Variants in NPRL2 observed in about 807,000 individuals in gnomAD.
NPRL2 encodes NPR2 like, GATOR1 complex subunit, also known as GATOR1 complex protein NPRL2.
Under a neutral mutation model 51.1 loss-of-function variants are expected in NPRL2, and 21 were observed. The observed-to-expected ratio is 0.41, with a 90% confidence interval of 0.29 to 0.59. NPRL2 has a LOEUF of 0.59. NPRL2 is among the 20% of genes least tolerant of loss of function. NPRL2 has a pLI of 0.29. For synonymous variants in NPRL2, 175 were observed against 187.8 expected (o/e 0.93, Z 0.56); for missense variants, 376 against 483.4 (o/e 0.78, Z 2.08).
chr3:50,348,432 A>AG lies in NPRL2; in HGVS notation c.721-23dup, dbSNP rs774829939. ...AGTACTAGAGGGTAGCAGAAGGCAT[A>AG]GGGGCCTGAGTGAGGGGCTTGGGAA... On this transcript the variant is annotated intron_variant, in intron 7 of 10. Coordinates refer to ENST00000232501, the MANE Select transcript of NPRL2 (RefSeq NM_006545.5). This position sits in a 1 kb window ranked among gnomAD's most constrained non-coding sequence, Gnocchi z 5.8. 7.3e-5 allele frequency: 118 copies of AG among 1,613,232 alleles called. No homozygotes were observed. The highest frequency in any genetic ancestry group is 9.3e-5 in the Non-Finnish European group (110 of 1,179,486).
Position 50,350,123 on chromosome 3 carries a change from C to A in NPRL2, c.79-101G>T. On this transcript the variant is annotated intron_variant, in intron 1 of 10. Coordinates refer to ENST00000232501, the MANE Select transcript of NPRL2 (RefSeq NM_006545.5). This position sits in a 1 kb window ranked among gnomAD's most constrained non-coding sequence, Gnocchi z 5.7. ...CCCCCCAAGCCCAAGTCCTCTTCTC[C>A]AGCGTTCCCCTCTCTCCCATCCACT... 1.1e-6 allele frequency: 1 copy of A among 899,734 alleles called. No individual in the cohort carries two copies. Among genetic ancestry groups the A allele is most frequent in the Non-Finnish European group, 1.8e-6 (1 of 556,988 alleles). The allele number at this position is 899,734 out of a possible 1,614,324, so 55.7% of individuals were successfully genotyped here.
In NPRL2 at chr3:50,348,306, C is replaced by T. The variant is rs587605237; in HGVS notation, c.814+11G>A. On this transcript the variant is annotated intron_variant, in intron 8 of 10. Transcript: ENST00000232501. This position sits in a 1 kb window ranked among gnomAD's most constrained non-coding sequence, Gnocchi z 5.8. Reference sequence around the variant, plus strand: ...CTCCCCAAGATGGCTTCCCCCAGAACCCACCACTACCTTGCTTGGTCACGT... The same window carrying T: ...CTCCCCAAGATGGCTTCCCCCAGAATCCACCACTACCTTGCTTGGTCACGT... The T allele has an allele frequency of 3.9e-5, 63 of 1,613,888 alleles. No homozygotes were observed. In the Admixed American group the frequency reaches 4.0e-4, roughly 10 times the overall value.
At position 50,350,464 on chromosome 3, in the gene NPRL2, G is replaced by T; in HGVS notation, c.78+111C>A. 1 of 1,147,104 alleles carries T rather than the reference G, an allele frequency of 8.7e-7. No homozygotes were observed. The highest frequency in any genetic ancestry group is 1.2e-6 in the Non-Finnish European group (1 of 805,614). The allele number at this position is 1,147,104 out of a possible 1,614,324, so 71.1% of individuals were successfully genotyped here. Reference sequence around the variant, plus strand: ...ATCCTCTAGCCTCACAGTTGTCTGCGAATGAAGCAGCATGCCTGCGTGCAG... The same window carrying T: ...ATCCTCTAGCCTCACAGTTGTCTGCTAATGAAGCAGCATGCCTGCGTGCAG... On this transcript the variant is annotated intron_variant, in intron 1 of 10. Transcript: ENST00000232501. The surrounding 1 kb of genome is among the most constrained non-coding windows in gnomAD (Gnocchi z 5.7).
In NPRL2 at chr3:50,349,005, A is replaced by C. The variant is rs1703654261; in HGVS notation, c.454T>G (p.Ser152Ala). 1.2e-6 allele frequency: 2 copies of C among 1,613,432 alleles called. No homozygotes were observed. The highest frequency in any genetic ancestry group is 1.7e-6 in the Non-Finnish European group (2 of 1,179,836). Residue 152 changes from serine (S) to alanine (A), a missense_variant, in exon 5 of 11, where the codon TCC becomes GCC. By Grantham distance (99) the Ser-to-Ala change is moderately conservative. Coordinates refer to ENST00000232501, the MANE Select transcript of NPRL2 (RefSeq NM_006545.5). The surrounding 1 kb of genome is among the most constrained non-coding windows in gnomAD (Gnocchi z 4.6). ...SGRCTLPIDESNTIHLKVIEQ... is the reference protein window; with the variant it reads ...SGRCTLPIDEANTIHLKVIEQ... ...ATCACCTTCAAGTGGATGGTGTTGG[A>C]CTCATCTGCAGGGGGCCCCATCCAT...
Position 50,349,323 on chromosome 3 carries a change from A to G in NPRL2, c.448+63T>C. On this transcript the variant is annotated intron_variant, in intron 4 of 10. Coordinates refer to ENST00000232501, the MANE Select transcript of NPRL2 (RefSeq NM_006545.5). This position sits in a 1 kb window ranked among gnomAD's most constrained non-coding sequence, Gnocchi z 4.6. ...ATGAGTCTTGCCCTTCTCCCTGACT[A>G]GCTGGGTTCACTTTCCCATCTCTCC... The G allele has an allele frequency of 7.1e-7, 1 of 1,403,760 alleles. No homozygotes were observed. Among genetic ancestry groups the G allele is most frequent in the Non-Finnish European group, 1.0e-6 (1 of 992,390 alleles). The allele number at this position is 1,403,760 out of a possible 1,614,324, so 87.0% of individuals were successfully genotyped here. A position where few individuals can be genotyped will look rare whatever the true frequency, so the allele number is the denominator to read the frequency against.
chr3:50,350,046 C>A lies in NPRL2; in HGVS notation c.79-24G>T. 1 of 1,592,818 alleles carries A rather than the reference C, an allele frequency of 6.3e-7. No homozygotes were observed. Among genetic ancestry groups the A allele is most frequent in the East Asian group, 2.2e-5 (1 of 44,786 alleles). ...ACCTGGGGAGGGGAGTGGCAATGGG[C>A]CCCTCAGTGGACATCTGTACTGGGT... On this transcript the variant is annotated intron_variant, in intron 1 of 10. Transcript: ENST00000232501. This position sits in a 1 kb window ranked among gnomAD's most constrained non-coding sequence, Gnocchi z 5.7.
chr3:50,350,180 T>C lies in NPRL2; in HGVS notation c.79-158A>G. The C allele has an allele frequency of 4.7e-6, 3 of 632,314 alleles. No individual in the cohort carries two copies. Among genetic ancestry groups the C allele is most frequent in the Non-Finnish European group, 8.4e-6 (3 of 358,642 alleles). The allele number at this position is 632,314 out of a possible 1,614,324, so 39.2% of individuals were successfully genotyped here. A position where few individuals can be genotyped will look rare whatever the true frequency, so the allele number is the denominator to read the frequency against. ...TATTACTTCTTTCTGTTTCCAAACATACGCTATGATCTCACCTCCTTCCTG... is the reference window on the plus strand; with the variant it reads ...TATTACTTCTTTCTGTTTCCAAACACACGCTATGATCTCACCTCCTTCCTG... On this transcript the variant is annotated intron_variant, in intron 1 of 10. Transcript: ENST00000232501. This position sits in a 1 kb window ranked among gnomAD's most constrained non-coding sequence, Gnocchi z 5.7.
In NPRL2 at chr3:50,347,796, T is replaced by C. The variant is rs1168631139; in HGVS notation, c.1038A>G (p.Thr346=). 1 of 1,613,870 alleles carries C rather than the reference T, an allele frequency of 6.2e-7. No individual in the cohort carries two copies. The highest frequency in any genetic ancestry group is 8.5e-7 in the Non-Finnish European group (1 of 1,180,046). The change falls in exon 10 of 11, where the codon ACA becomes ACG. Residue 346 remains threonine, a synonymous_variant. Coordinates refer to ENST00000232501, the MANE Select transcript of NPRL2 (RefSeq NM_006545.5). ...EEQSHPARLY[T]GCHSYDEICC... is the part of the protein sequence containing the mutation. ...AGATCTCGTCATAGCTGTGGCAGCC[T>C]GTATAAAGCCGGGCAGGGTGGCTCT...
Position 50,350,581 on chromosome 3 carries a change from G to A in NPRL2, c.72C>T (p.Thr24=). The part of the protein sequence containing the change: ...EFHPTLGPKI[T]YQVPEDFISR... ...CCGCGAGCCCGGGTGGCACCTGATA[G>A]GTGATCTTGGGTCCCAGCGTGGGGT... The change falls in exon 1 of 11, where the codon ACC becomes ACT. Residue 24 remains threonine, a synonymous_variant. Transcript: ENST00000232501. This position sits in a 1 kb window ranked among gnomAD's most constrained non-coding sequence, Gnocchi z 5.7. The A allele has an allele frequency of 6.2e-7, 1 of 1,607,270 alleles. No homozygotes were observed. The highest frequency in any genetic ancestry group is 8.5e-7 in the Non-Finnish European group (1 of 1,177,064).
chr3:50,349,045 T>G lies in NPRL2; in HGVS notation c.449-35A>C, dbSNP rs1472559647. 2 of 1,602,704 alleles carry G rather than the reference T, an allele frequency of 1.2e-6. No individual in the cohort carries two copies. The highest frequency in any genetic ancestry group is 3.4e-5 in the Admixed American group (2 of 58,904). ...GCCCCATCCATATCCTCAGTGCCAC[T>G]TCTTCCAAGAGGTCCTCAATTACCA... On this transcript the variant is annotated intron_variant, in intron 4 of 10. Transcript: ENST00000232501. This position sits in a 1 kb window ranked among gnomAD's most constrained non-coding sequence, Gnocchi z 4.6.
Position 50,350,484 on chromosome 3 carries a change from G to A in NPRL2, c.78+91C>T. 7.7e-7 allele frequency: 1 copy of A among 1,302,104 alleles called. No individual in the cohort carries two copies. The highest frequency in any genetic ancestry group is 1.1e-6 in the Non-Finnish European group (1 of 932,420). 80.7% of individuals were successfully genotyped at this position (1,302,104 alleles called of 1,614,324 possible). ...TCTGCGAATGAAGCAGCATGCCTGC[G>A]TGCAGCACGGGAAACTACTGCCTTC... is the stretch of plus-strand genomic sequence containing the variant. On this transcript the variant is annotated intron_variant, in intron 1 of 10. Coordinates refer to ENST00000232501, the MANE Select transcript of NPRL2 (RefSeq NM_006545.5). The surrounding 1 kb of genome is among the most constrained non-coding windows in gnomAD (Gnocchi z 5.7).
rs745902486 is a variant in NPRL2 at position 50,350,003 on chromosome 3, G to A, written c.98C>T (p.Ser33Phe). The A allele has an allele frequency of 2.0e-5, 32 of 1,613,734 alleles. No individual in the cohort carries two copies. The highest frequency in any genetic ancestry group is 2.5e-5 in the Non-Finnish European group (29 of 1,180,002). Residue 33 changes from serine to phenylalanine, a missense_variant, in exon 2 of 11, where the codon TCC (serine) becomes TTC (phenylalanine). Physicochemically the swap from Ser to Phe is radical, Grantham distance 155. Transcript: ENST00000232501. The surrounding 1 kb of genome is among the most constrained non-coding windows in gnomAD (Gnocchi z 5.7). ...TTGGACTGTGTCAAACAGCTCTCGGGAGATGAAGTCTTCAGGGACCTGGGG... is the reference window on the plus strand; with the variant it reads ...TTGGACTGTGTCAAACAGCTCTCGGAAGATGAAGTCTTCAGGGACCTGGGG... ...ITYQVPEDFISRELFDTVQVY... is the reference protein window; with the variant it reads ...ITYQVPEDFIFRELFDTVQVY...
At position 50,347,331 on chromosome 3, in the gene NPRL2, T is replaced by C; in HGVS notation, c.*275A>G. ...AGGTGAGTCACCGCATCAGGACGAT[T>C]TTTTTTTTTTTTTTTTTTTTTTTTT... On this transcript the variant is annotated 3_prime_UTR_variant, in exon 11 of 11. Transcript: ENST00000232501. 1 of 138,044 alleles carries C rather than the reference T, an allele frequency of 7.2e-6. No homozygotes were observed. 8.6% of individuals were successfully genotyped at this position (138,044 alleles called of 1,614,324 possible). A position where few individuals can be genotyped will look rare whatever the true frequency, so the allele number is the denominator to read the frequency against.
Position 50,349,291 on chromosome 3 carries a change from T to C in NPRL2, c.448+95A>G. On this transcript the variant is annotated intron_variant, in intron 4 of 10. Coordinates refer to ENST00000232501, the MANE Select transcript of NPRL2 (RefSeq NM_006545.5). This position sits in a 1 kb window ranked among gnomAD's most constrained non-coding sequence, Gnocchi z 4.6. ...CCCATGGCTATTTCCTGCCCACCAA[T>C]GTGTTCATGAGTCTTGCCCTTCTCC... 9.0e-7 allele frequency: 1 copy of C among 1,115,232 alleles called. No homozygotes were observed. The highest frequency in any genetic ancestry group is 1.3e-6 in the Non-Finnish European group (1 of 747,286). 69.1% of individuals were successfully genotyped at this position (1,115,232 alleles called of 1,614,324 possible). A position where few individuals can be genotyped will look rare whatever the true frequency, so the allele number is the denominator to read the frequency against.
Position 50,349,449 on chromosome 3 carries a change from C to A in NPRL2, c.385G>T (p.Val129Leu), listed in dbSNP as rs771505565. Residue 129 changes from valine to leucine, a missense_variant, in exon 4 of 11, where the codon GTG becomes TTG. Transcript: ENST00000232501. The surrounding 1 kb of genome is among the most constrained non-coding windows in gnomAD (Gnocchi z 4.6). ...TCCAGCAAGATGGTCATGATGGGCACCAACTTCTGCTTGCTCTCCTCCATG... is the reference window on the plus strand; with the variant it reads ...TCCAGCAAGATGGTCATGATGGGCAACAACTTCTGCTTGCTCTCCTCCATG... The part of the protein sequence containing the change: ...VSMEESKQKL[V>L]PIMTILLEEL... 1.2e-6 allele frequency: 2 copies of A among 1,613,816 alleles called. No individual in the cohort carries two copies. The highest frequency in any genetic ancestry group is 2.2e-5 in the East Asian group (1 of 44,836).
Position 50,348,598 on chromosome 3 carries a change from C to A in NPRL2, c.684-35G>T. The A allele has an allele frequency of 6.2e-7, 1 of 1,614,052 alleles. No individual in the cohort carries two copies. Among genetic ancestry groups the A allele is most frequent in the Non-Finnish European group, 8.5e-7 (1 of 1,180,008 alleles). On this transcript the variant is annotated intron_variant, in intron 6 of 10. Transcript: ENST00000232501. This position sits in a 1 kb window ranked among gnomAD's most constrained non-coding sequence, Gnocchi z 5.8. ...AGAGCTGTGCTCAGCTTCTGAGGAC[C>A]ATGCCTTCCCAACCCTCACACCCAG...
chr3:50,349,514 C>T lies in NPRL2; in HGVS notation c.340-20G>A. 2 of 1,613,364 alleles carry T rather than the reference C, an allele frequency of 1.2e-6. No individual in the cohort carries two copies. The highest frequency in any genetic ancestry group is 2.2e-5 in the South Asian group (2 of 91,072). On this transcript the variant is annotated intron_variant, in intron 3 of 10. Transcript: ENST00000232501. The surrounding 1 kb of genome is among the most constrained non-coding windows in gnomAD (Gnocchi z 4.6). ...CTCTAGCTAGACAGAGCATGGAAAGCATGGTGGGCACATCCCAGGACCCCT... is the reference window on the plus strand; with the variant it reads ...CTCTAGCTAGACAGAGCATGGAAAGTATGGTGGGCACATCCCAGGACCCCT...
At position 50,348,272 on chromosome 3, in the gene NPRL2, G is replaced by C. The variant is rs1169438195; in HGVS notation, c.815-31C>G. On this transcript the variant is annotated intron_variant, in intron 8 of 10. Transcript: ENST00000232501. This position sits in a 1 kb window ranked among gnomAD's most constrained non-coding sequence, Gnocchi z 5.8. ...GGTGCCAGGGATCAGCTCATCATGT[G>C]GCCCTGCCCTCCCCAAGATGGCTTC... The C allele has an allele frequency of 6.2e-7, 1 of 1,613,454 alleles. No homozygotes were observed. Among genetic ancestry groups the C allele is most frequent in the African/African-American group, 1.3e-5 (1 of 74,910 alleles).
rs1249434361 is a variant in NPRL2, at chr3:50,349,223, C to T, written c.448+163G>A. 2 of 834,256 alleles carry T rather than the reference C, an allele frequency of 2.4e-6. No individual in the cohort carries two copies. The highest frequency in any genetic ancestry group is 3.4e-5 in the African/African-American group (2 of 59,088). 51.7% of individuals were successfully genotyped at this position (834,256 alleles called of 1,614,324 possible). The stretch of plus-strand genomic sequence containing the variant: ...GCTCTGCTTTCCCCCTACCCCCAGT[C>T]CCAGCTCCATCATGCATTGGACCCT... On this transcript the variant is annotated intron_variant, in intron 4 of 10. Coordinates refer to ENST00000232501, the MANE Select transcript of NPRL2 (RefSeq NM_006545.5). This position sits in a 1 kb window ranked among gnomAD's most constrained non-coding sequence, Gnocchi z 4.6.
Sources: gnomAD v4.1 joint callset for allele counts on GRCh38, gnomAD v4.1.1 for gene constraint, Gnocchi (gnomAD v3.1) non-coding constraint, MANE v1.5 for transcripts, NCBI Gene and HGNC (gene_info 2026-07-23, HGNC 2026-07-21) for gene names.